Variants in TASP1 observed in about 807,000 individuals in gnomAD.
The protein encoded by TASP1 is threonine aspartase 1.
TASP1 carries 16 observed loss-of-function variants against 56.6 expected under a neutral mutation model. The observed-to-expected ratio is 0.28, with a 90% CI of 0.19 to 0.43. The LOEUF (loss-of-function observed/expected upper bound fraction) is 0.43. Among genes scored for constraint, TASP1 ranks in the 20% least tolerant of loss-of-function variants. The probability of loss-of-function intolerance (pLI) is 1.00; values close to 1 mark genes in which losing one functional copy is unlikely to be tolerated. For missense variants in TASP1, 393 were observed against 511.6 expected (o/e 0.77, Z 2.24); for synonymous variants, 179 against 184.2 (o/e 0.97, Z 0.23).
chr20:13,596,396 T>TA (rs965234742), intron 4 of TASP1, among the ~76,000 whole-genome samples: 1 of 148,152 alleles, frequency 6.7e-6, no homozygotes, highest in Non-Finnish European at 1.5e-5. Flanking sequence ...AATGCACAAT[T>TA]ACATGGAAAT....
chr20:13,348,473 G>C, the TASP1 span, among the ~76,000 whole-genome samples: 1 of 152,186 alleles, frequency 6.6e-6, no homozygotes, highest in Non-Finnish European at 1.5e-5. Flanking sequence ...GATTGGATTT[G>C]ATAGAGTCTA....
At chr20:13,609,501 T>C (rs1001618497) in intron 4 of TASP1, among the ~76,000 whole-genome samples, 2 of 151,978 alleles carry the variant, frequency 1.3e-5, no homozygotes, top group African/African-American at 2.4e-5. Flanking sequence ...CTGGCCAACA[T>C]GGTGAAACCC....
At chr20:13,163,286 T>G in the TASP1 span, among the ~76,000 whole-genome samples, 1 of 148,540 alleles carries the variant, frequency 6.7e-6, no homozygotes, top group Admixed American at 6.9e-5. Flanking sequence ...GAGAATCACT[T>G]GAACCCGGGA....
the TASP1 span, among the ~76,000 whole-genome samples, chr20:13,336,811 C>T: frequency 1.2e-4 from 19 of 152,030 alleles, no homozygotes; most frequent in South Asian, 3.9e-3. Context: ...AGAGCAGGTA[C>T]TCCTAACATT....
intron 11 of TASP1, among the ~76,000 whole-genome samples, chr20:13,449,283 A>G (rs2043528423): frequency 6.6e-6 from 1 of 152,118 alleles, no homozygotes; most frequent in African/African-American, 2.4e-5. Context: ...TCACTGCCTG[A>G]AGACCTTCCA....
chr20:13,364,458 A>G, the TASP1 span, among the ~76,000 whole-genome samples: 1 of 152,172 alleles, frequency 6.6e-6, no homozygotes, highest in Non-Finnish European at 1.5e-5. Flanking sequence ...TAATGGCCCC[A>G]TGGCCATGGC....
At chr20:13,588,705 G>A (rs1289305682) in intron 4 of TASP1, among the ~76,000 whole-genome samples, 1 of 152,156 alleles carries the variant, frequency 6.6e-6, no homozygotes, top group Non-Finnish European at 1.5e-5. Context: ...ACGTGGACCA[G>A]AAGGCTTAAT....
the TASP1 span, among the ~76,000 whole-genome samples, chr20:13,146,088 T>C: frequency 6.6e-6 from 1 of 152,152 alleles, no homozygotes; most frequent in East Asian, 1.9e-4. Context: ...TGGAATACTA[T>C]GCAGCCATAA....
At chr20:13,249,966 T>C in the TASP1 span, among the ~76,000 whole-genome samples, 4 of 152,224 alleles carry the variant, frequency 2.6e-5, no homozygotes, top group African/African-American at 9.6e-5. Context: ...TCCAAATTGA[T>C]GAAAATCCAG....
At position 13,616,614 on chromosome 20, in the gene TASP1, T is replaced by C. The variant is rs60107922; in HGVS notation, c.282+6832A>G. ...CATGTAAAATTAATCTAGAATGTAA[T>C]CATTGATTCCGTTTTCTTTTTATTC... On this transcript the variant is annotated intron_variant, in intron 4 of 13. Transcript: ENST00000337743. 9.2e-5 allele frequency among the ~76,000 whole-genome samples: 14 copies of C among 151,872 alleles called. No individual in the cohort carries two copies. The East Asian group carries it at 1.9e-3, about 21-fold the overall frequency.
chr20:13,472,866 A>T (rs990793438), intron 11 of TASP1, among the ~76,000 whole-genome samples: 2 of 151,722 alleles, frequency 1.3e-5, no homozygotes, highest in African/African-American at 4.9e-5. Flanking sequence ...GAGAAATAGG[A>T]ACGCTTTTAC....
chr20:13,471,891 A>AG (rs1007314192), intron 11 of TASP1, among the ~76,000 whole-genome samples: 6 of 152,166 alleles, frequency 3.9e-5, no homozygotes, highest in Admixed American at 2.0e-4. Context: ...AGGAAGCGCA[A>AG]GGGGTCAGAG....
the TASP1 span, among the ~76,000 whole-genome samples, chr20:13,295,914 T>C: frequency 6.6e-6 from 1 of 152,216 alleles, no homozygotes; most frequent in Non-Finnish European, 1.5e-5. Context: ...GGTTCCCTTG[T>C]AGGAGCTCTG....
At chr20:13,597,216 G>A (rs6042234) in intron 4 of TASP1, among the ~76,000 whole-genome samples, 4,906 of 152,136 alleles carry the variant, frequency 0.032, 221 homozygotes, top group African/African-American at 0.096. Flanking sequence ...AAAGCCTGGC[G>A]GAGACACAAC....
At chr20:13,425,632 C>T (rs180820673) in intron 12 of TASP1, among the ~76,000 whole-genome samples, 8 of 152,258 alleles carry the variant, frequency 5.3e-5, no homozygotes, top group African/African-American at 1.4e-4. Flanking sequence ...ACTCTTGAGC[C>T]TTAGGTCAAA....
At chr20:13,427,799 TA>T (rs1264002656) in intron 12 of TASP1, among the ~76,000 whole-genome samples, 1 of 151,984 alleles carries the variant, frequency 6.6e-6, no homozygotes, top group African/African-American at 2.4e-5. Context: ...CATTTCATAG[TA>T]AAAGATGAAA....
the TASP1 span, among the ~76,000 whole-genome samples, chr20:13,119,611 A>T: frequency 6.6e-6 from 1 of 152,124 alleles, no homozygotes; most frequent in Non-Finnish European, 1.5e-5. Flanking sequence ...CGCATTGTTC[A>T]TTCCCTCTCC....
At chr20:13,598,669 C>A (rs1168345910) in intron 4 of TASP1, among the ~76,000 whole-genome samples, 1 of 152,020 alleles carries the variant, frequency 6.6e-6, no homozygotes, top group Non-Finnish European at 1.5e-5. Flanking sequence ...CAACAAAAGC[C>A]AAAATAGACA....
chr20:13,283,702 T>C, the TASP1 span, among the ~76,000 whole-genome samples: 1 of 152,204 alleles, frequency 6.6e-6, no homozygotes, highest in Admixed American at 6.5e-5. Context: ...CAAATAAATA[T>C]GTTTTGGTCT....
Sources: gnomAD v4.1 joint callset for allele counts (sites outside exome capture counted in the v4.1 genomes callset) on GRCh38, gnomAD v4.1.1 for gene constraint, MANE v1.5 for transcripts, NCBI Gene and HGNC (gene_info 2026-07-23, HGNC 2026-07-21) for gene names.